The following UBE4B variants were observed in gnomAD, a reference collection of about 807,000 sequenced individuals.
The protein encoded by UBE4B is ubiquitination factor E4B.
Under a neutral mutation model 148.1 loss-of-function variants are expected in UBE4B, and 27 were observed. That is an observed-to-expected ratio of 0.18 (90% confidence interval 0.13 to 0.25). The LOEUF is 0.25. UBE4B is among the 10% of genes least tolerant of loss of function. UBE4B has a pLI of 1.00. For missense variants in UBE4B, 1,170 were observed against 1,662.4 expected (o/e 0.70, Z 5.15); for synonymous variants, 596 against 619.3 (o/e 0.96, Z 0.56).
Position 10,072,127 on chromosome 1 carries a change from A to G in UBE4B, c.124A>G (p.Ile42Val), listed in dbSNP as rs762612503. 1.5e-5 allele frequency: 24 copies of G among 1,613,800 alleles called. No individual in the cohort carries two copies. The highest frequency in any genetic ancestry group is 2.2e-5 in the East Asian group (1 of 44,838). The change falls in exon 2 of 28, where the codon ATA becomes GTA. Residue 42 changes from isoleucine (I) to valine (V), a missense_variant. Physicochemically the swap from Ile to Val is conservative, Grantham distance 29 (BLOSUM62 3). This residue lies in a region of UBE4B where 127 missense variants were observed against 153.2 expected (regional missense o/e 0.83). Coordinates refer to ENST00000343090, the MANE Select transcript of UBE4B (RefSeq NM_001105562.3). The stretch of plus-strand genomic sequence containing the variant: ...GAGGGAGAACCCTCCGGGGCCTCCC[A>G]TAGCGGCATCAGCCCCAGGACCCTC... ...PQRENPPGPP[I>V]AASAPGPSQS...
At chr1:10,144,691 C>T (rs935747183) in intron 17 of UBE4B, among the ~76,000 whole-genome samples, 7 of 147,486 alleles carry the variant, frequency 4.7e-5, no homozygotes, top group Non-Finnish European at 1.0e-4. Context: ...GCTGAGATTG[C>T]AGCACTGCAC....
At chr1:10,134,514 A>G (rs2101950731) in intron 15 of UBE4B, among the ~76,000 whole-genome samples, 1 of 152,142 alleles carries the variant, frequency 6.6e-6, no homozygotes, top group East Asian at 1.9e-4. Context: ...CTCCATCTCA[A>G]AAAAAAGAAA....
chr1:10,136,324 G>A (rs1031553810), intron 16 of UBE4B, among the ~76,000 whole-genome samples: 7 of 151,902 alleles, frequency 4.6e-5, no homozygotes, highest in Non-Finnish European at 1.5e-5. Context: ...AAAAAAATTA[G>A]CCCAGCATGG....
intron 2 of UBE4B, among the ~76,000 whole-genome samples, chr1:10,090,843 C>A (rs1343895755): frequency 6.8e-6 from 1 of 146,128 alleles, no homozygotes; most frequent in African/African-American, 2.6e-5. Context: ...AATACTGGAA[C>A]AGGCCTAATG....
chr1:10,146,841 A>T, intron 18 of UBE4B, 122 bp from the exon 19 acceptor site: 1 of 1,213,362 alleles, frequency 8.2e-7, no homozygotes. Context: ...TAGTTAGGAG[A>T]TGAAGCTCTA....
intron 7 of UBE4B, among the ~76,000 whole-genome samples, chr1:10,109,864 T>C (rs1645189641): frequency 6.6e-6 from 1 of 152,014 alleles, no homozygotes; most frequent in African/African-American, 2.4e-5. Context: ...TTGGCCAGAG[T>C]GGTCTCAAAC....
chr1:10,143,715 A>G (rs1645820865), intron 17 of UBE4B, among the ~76,000 whole-genome samples: 2 of 152,202 alleles, frequency 1.3e-5, no homozygotes. Flanking sequence ...GAAAGAATCC[A>G]ATTCTTCTGG....
At chr1:10,175,433 C>G (rs533135742) in intron 25 of UBE4B, among the ~76,000 whole-genome samples, 1 of 151,822 alleles carries the variant, frequency 6.6e-6, no homozygotes, top group Non-Finnish European at 1.5e-5. Flanking sequence ...GGGCGGATCA[C>G]AAGGTCAGGA....
At chr1:10,073,576 C>T (rs762656712) in intron 2 of UBE4B, among the ~76,000 whole-genome samples, 16 of 151,898 alleles carry the variant, frequency 1.1e-4, no homozygotes, top group Non-Finnish European at 2.9e-5. Flanking sequence ...TACAAAAAGC[C>T]GGGTGTGGTG....
chr1:10,099,173 C>T (rs1644971390), intron 3 of UBE4B, among the ~76,000 whole-genome samples: 1 of 152,086 alleles, frequency 6.6e-6, no homozygotes, highest in African/African-American at 2.4e-5. Flanking sequence ...ACCTGGGAGG[C>T]AGGGGTTGCA....
intron 7 of UBE4B, among the ~76,000 whole-genome samples, chr1:10,110,829 C>T (rs1302446115): frequency 6.6e-6 from 1 of 151,906 alleles, no homozygotes; most frequent in Admixed American, 6.6e-5. Context: ...AACATAGAAA[C>T]AGTGGAAAAG....
chr1:10,039,330 G>T (rs1402937013), intron 1 of UBE4B, among the ~76,000 whole-genome samples: 1 of 152,134 alleles, frequency 6.6e-6, no homozygotes, highest in African/African-American at 2.4e-5. Context: ...TCAAGAAACA[G>T]CAGCAAGTAG....
At chr1:10,118,866 G>GTTTT (rs1420083978) in intron 8 of UBE4B, among the ~76,000 whole-genome samples, 2 of 82,500 alleles carry the variant, frequency 2.4e-5, no homozygotes, top group Non-Finnish European at 4.8e-5. Context: ...GGCCAGGCTG[G>GTTTT]TCTTTTTTTT....
chr1:10,090,816 T>C (rs913843602), intron 2 of UBE4B, among the ~76,000 whole-genome samples: 70 of 151,848 alleles, frequency 4.6e-4, no homozygotes, highest in Non-Finnish European at 3.2e-4. Flanking sequence ...TGTGTGTGTG[T>C]GTGTGTGTGT....
chr1:10,141,713 G>T (rs1163915296), intron 17 of UBE4B, among the ~76,000 whole-genome samples: 6 of 152,148 alleles, frequency 3.9e-5, no homozygotes, highest in Admixed American at 1.3e-4. Flanking sequence ...AGGGATGATG[G>T]GTTAGAACCT....
intron 1 of UBE4B, among the ~76,000 whole-genome samples, chr1:10,039,223 C>T (rs958819328): frequency 2.6e-5 from 4 of 151,862 alleles, no homozygotes; most frequent in Admixed American, 1.3e-4. Context: ...GAGAAGGGAC[C>T]CCGGGAGAGG....
Position 10,168,570 on chromosome 1 carries a change from A to G in UBE4B, c.3333+300A>G, listed in dbSNP as rs1004544569. Among the ~76,000 whole-genome samples the G allele has an allele frequency of 1.3e-5, 2 of 152,180 alleles. No individual in the cohort carries two copies. The highest frequency in any genetic ancestry group is 2.9e-5 in the Non-Finnish European group (2 of 68,038). On this transcript the variant is annotated intron_variant, in intron 24 of 27. Transcript: ENST00000343090. The surrounding 1 kb of genome is among the most constrained non-coding windows in gnomAD (Gnocchi z 4.9). The stretch of plus-strand genomic sequence containing the variant: ...GTTGATGTCATGACATATTTTTACC[A>G]TTATTGATTCCTATATTTTACTTAT...
chr1:10,158,587 G>A, intron 22 of UBE4B, 105 bp downstream of exon 22: 1 of 1,434,554 alleles, frequency 7.0e-7, no homozygotes, highest in Non-Finnish European at 9.4e-7. Context: ...TGTTTGCTTG[G>A]TCTCAGACTC....
chr1:10,122,227 A>G, intron 10 of UBE4B, 151 bp downstream of exon 10: 1 of 539,982 alleles, frequency 1.9e-6, no homozygotes, highest in Non-Finnish European at 3.3e-6. Context: ...AGGAAATCAG[A>G]TTGACAGCTG....
Sources: allele counts gnomAD v4.1 joint callset (sites outside exome capture counted in the v4.1 genomes callset), GRCh38; gene constraint gnomAD v4.1.1; regional missense constraint gnomAD v4.1.1; non-coding constraint Gnocchi (gnomAD v3.1); transcripts MANE v1.5; gene names NCBI Gene and HGNC (gene_info 2026-07-23, HGNC 2026-07-21).